The following CDKAL1 variants were observed in gnomAD, a reference collection of about 807,000 sequenced individuals.
CDKAL1 encodes the protein CDKAL1 threonylcarbamoyladenosine tRNA methylthiotransferase.
A neutral mutation model predicts 68.2 loss-of-function variants in CDKAL1; 32 were observed. The observed-to-expected ratio is 0.47, with a 90% CI of 0.35 to 0.63. CDKAL1 has a LOEUF of 0.63. CDKAL1 is among the 30% of genes least tolerant of loss of function. The pLI, the probability that CDKAL1 is intolerant of heterozygous loss-of-function variation, is 0.00. For synonymous variants in CDKAL1, 234 were observed against 244.3 expected (o/e 0.96, Z 0.39); for missense variants, 606 against 696.7 (o/e 0.87, Z 1.47).
At chr6:20,630,780 T>C (rs10484633) in intron 4 of CDKAL1, among the ~76,000 whole-genome samples, 19,498 of 152,188 alleles carry the variant, frequency 0.13, 1,683 homozygotes, top group South Asian at 0.24. Flanking sequence ...CACTGCCTTC[T>C]GGTTTCCAGC....
At chr6:20,932,076 C>T (rs1358795333) in intron 9 of CDKAL1, among the ~76,000 whole-genome samples, 1 of 152,130 alleles carries the variant, frequency 6.6e-6, no homozygotes, top group African/African-American at 2.4e-5. Flanking sequence ...ATCATGGTGA[C>T]ACATTAATCA....
At chr6:21,044,930 G>C (rs944193197) in intron 11 of CDKAL1, among the ~76,000 whole-genome samples, 1 of 152,192 alleles carries the variant, frequency 6.6e-6, no homozygotes, top group Non-Finnish European at 1.5e-5. Context: ...GTCAGGAGAA[G>C]GCTCATTCCT....
intron 5 of CDKAL1, among the ~76,000 whole-genome samples, chr6:20,691,781 G>A (rs1459917127): frequency 6.6e-6 from 1 of 152,034 alleles, no homozygotes; most frequent in Non-Finnish European, 1.5e-5. Context: ...ATAGTGGGAT[G>A]TACATATCCC....
rs188155316 is a variant in CDKAL1 at position 20,885,777 on chromosome 6, G to C, written c.742+39599G>C. Among the ~76,000 whole-genome samples the C allele has an allele frequency of 4.1e-4, 62 of 152,240 alleles. 1 individual carries two copies. In the East Asian group the frequency reaches 0.011, roughly 28 times the overall value. ...AAATTTGATACAGGTTTAATTTCTAGAATACGTAAAGAACTAAAACTCAGC... is the reference window on the plus strand; with the variant it reads ...AAATTTGATACAGGTTTAATTTCTACAATACGTAAAGAACTAAAACTCAGC... On this transcript the variant is annotated intron_variant, in intron 9 of 15. Transcript: ENST00000274695.
intron 15 of CDKAL1, among the ~76,000 whole-genome samples, chr6:21,215,662 T>A (rs1036905117): frequency 3.3e-5 from 5 of 152,152 alleles, no homozygotes; most frequent in Non-Finnish European, 5.9e-5. Flanking sequence ...TAATGGAAGC[T>A]AAGGGACCTT....
At chr6:20,862,169 A>AT (rs950837026) in intron 9 of CDKAL1, among the ~76,000 whole-genome samples, 2 of 152,252 alleles carry the variant, frequency 1.3e-5, no homozygotes, top group Non-Finnish European at 1.5e-5. Flanking sequence ...AATTACTGGC[A>AT]TATCACCAGG....
intron 8 of CDKAL1, among the ~76,000 whole-genome samples, chr6:20,791,788 T>C (rs1335365738): frequency 1.3e-5 from 2 of 152,172 alleles, no homozygotes; most frequent in East Asian, 1.9e-4. Context: ...CTAAATCATA[T>C]AGAGATGTAT....
chr6:20,866,634 T>TTG, intron 9 of CDKAL1, among the ~76,000 whole-genome samples: 1 of 152,304 alleles, frequency 6.6e-6, no homozygotes, highest in African/African-American at 2.4e-5. Flanking sequence ...ATCATTAGAG[T>TTG]TGTGTCCATC....
At chr6:20,957,134 G>A (rs1210870197) in intron 10 of CDKAL1, among the ~76,000 whole-genome samples, 2 of 152,056 alleles carry the variant, frequency 1.3e-5, no homozygotes, top group Non-Finnish European at 2.9e-5. Context: ...GGGTAGGAAG[G>A]GAAACAGGCC....
At chr6:20,903,879 T>G (rs1387308169) in intron 9 of CDKAL1, among the ~76,000 whole-genome samples, 1 of 152,210 alleles carries the variant, frequency 6.6e-6, no homozygotes, top group Non-Finnish European at 1.5e-5. Flanking sequence ...ACAAATGCAC[T>G]GACAGAACCT....
intron 7 of CDKAL1, among the ~76,000 whole-genome samples, chr6:20,774,923 A>T (rs1273704492): frequency 6.6e-6 from 1 of 152,232 alleles, no homozygotes; most frequent in Non-Finnish European, 1.5e-5. Context: ...GTTGAATTGT[A>T]TCTGACACTT....
intron 9 of CDKAL1, among the ~76,000 whole-genome samples, chr6:20,857,166 T>C (rs1759377970): frequency 6.6e-6 from 1 of 152,194 alleles, no homozygotes; most frequent in East Asian, 1.9e-4. Flanking sequence ...CGTGGTGAGT[T>C]CCAACACATT....
chr6:20,819,126 C>T lies in CDKAL1; in HGVS notation c.639-26949C>T, dbSNP rs145735458. Among the ~76,000 whole-genome samples, 299 of 152,154 alleles carry T rather than the reference C, an allele frequency of 2.0e-3. 2 individuals are homozygous for T. Among genetic ancestry groups the T allele is most frequent in the African/African-American group, 7.0e-3 (289 of 41,540 alleles). ...ACATGGTATTTTTGGTTTTTTTCCCCTTCCACATAGTTAGCATTACACAAT... is the reference window on the plus strand; with the variant it reads ...ACATGGTATTTTTGGTTTTTTTCCCTTTCCACATAGTTAGCATTACACAAT... On this transcript the variant is annotated intron_variant, in intron 8 of 15. Coordinates refer to ENST00000274695, the MANE Select transcript of CDKAL1 (RefSeq NM_017774.3).
chr6:20,727,879 C>G (rs1341908647), intron 5 of CDKAL1, among the ~76,000 whole-genome samples: 1 of 152,066 alleles, frequency 6.6e-6, no homozygotes, highest in Non-Finnish European at 1.5e-5. Flanking sequence ...TGAGTTCTGT[C>G]CTATTTGAAC....
At chr6:20,910,262 A>G (rs571820192) in intron 9 of CDKAL1, among the ~76,000 whole-genome samples, 74 of 152,286 alleles carry the variant, frequency 4.9e-4, no homozygotes, top group Admixed American at 4.6e-4. Flanking sequence ...ATTCATAACA[A>G]GTACCTCAGG....
chr6:21,111,848 C>T (rs1298088165), intron 13 of CDKAL1, among the ~76,000 whole-genome samples: 1 of 152,174 alleles, frequency 6.6e-6, no homozygotes, highest in Non-Finnish European at 1.5e-5. Context: ...CAAAAGTTAA[C>T]TCCCATTTAT....
intron 1 of CDKAL1, 150 bp downstream of exon 1, chr6:20,534,724 T>C (rs1213942592): frequency 1.3e-5 from 2 of 152,194 alleles, no homozygotes; most frequent in African/African-American, 4.8e-5. Flanking sequence ...GATGGGGGAA[T>C]TGGGAGGCAG....
intron 8 of CDKAL1, among the ~76,000 whole-genome samples, chr6:20,828,321 T>C (rs1046103257): frequency 6.6e-6 from 1 of 152,032 alleles, no homozygotes; most frequent in African/African-American, 2.4e-5. Context: ...CTCCACCTCC[T>C]GGGATCAATC....
chr6:21,066,938 C>A (rs1366965175), intron 12 of CDKAL1, among the ~76,000 whole-genome samples: 1 of 152,130 alleles, frequency 6.6e-6, no homozygotes, highest in Non-Finnish European at 1.5e-5. Flanking sequence ...TCCTTCTTAC[C>A]CTTTTTTGTA....
Sources: gnomAD v4.1 joint callset for allele counts (sites outside exome capture counted in the v4.1 genomes callset) on GRCh38, gnomAD v4.1.1 for gene constraint, MANE v1.5 for transcripts, NCBI Gene and HGNC (gene_info 2026-07-23, HGNC 2026-07-21) for gene names.